Variants in ZNF564 observed in about 807,000 individuals in gnomAD.
ZNF564 encodes zinc finger protein 564.
In ZNF564, 5 loss-of-function variants were observed where a neutral mutation model predicts 10.5. The ratio of observed to expected loss-of-function variants is 0.48; its 90% CI spans 0.25 to 1.00. ZNF564 has a LOEUF of 1.00. ZNF564 is among the 50% of genes least tolerant of loss of function. ZNF564 has a pLI of 0.16. For missense variants in ZNF564, 603 were observed against 669.7 expected (o/e 0.90, Z 1.10); for synonymous variants, 242 against 218.1 (o/e 1.11, Z -0.97).
Position 12,527,287 on chromosome 19 carries a change from GTTCT to G in ZNF564, c.817_820del (p.Arg273LeufsTer27). The stretch of plus-strand genomic sequence containing the variant: ...TTCATGGGGTTTCTCTCCAGTATGA[GTTCT>G]TTCATGTATTCGAAATAAACTGGGG... On this transcript the variant is annotated frameshift_variant, in exon 4 of 4. Coordinates refer to ENST00000339282, the MANE Select transcript of ZNF564 (RefSeq NM_144976.4). LOFTEE classifies it low-confidence loss of function (END_TRUNC). 1 of 1,613,930 alleles carries G rather than the reference GTTCT, an allele frequency of 6.2e-7. No individual in the cohort carries two copies. Among genetic ancestry groups the G allele is most frequent in the Non-Finnish European group, 8.5e-7 (1 of 1,179,990 alleles).
At position 12,527,356 on chromosome 19, in the gene ZNF564, C is replaced by T; in HGVS notation, c.752G>A (p.Gly251Glu). ...TCCACATTCCTGACATTTATAAGGT[C>T]CATCTCCAGTGTGCCTAATCATGTG... ...QRHMIRHTGD[G>E]PYKCQECGKA... Residue 251 changes from glycine (G) to glutamate (E), a missense_variant, in exon 4 of 4, where the codon GGA becomes GAA. Physicochemically the swap from Gly to Glu is moderately conservative, Grantham distance 98. Transcript: ENST00000339282. The T allele has an allele frequency of 6.2e-7, 1 of 1,614,072 alleles. No homozygotes were observed. The highest frequency in any genetic ancestry group is 8.5e-7 in the Non-Finnish European group (1 of 1,179,996).
intron 1 of ZNF564, among the ~76,000 whole-genome samples, chr19:12,540,155 A>G (rs73497707): frequency 0.017 from 2,571 of 152,290 alleles, 85 homozygotes; most frequent in African/African-American, 0.059. Flanking sequence ...CTTATAATCT[A>G]TAACACTGGC....
intron 1 of ZNF564, 122 bp downstream of exon 1, chr19:12,551,208 G>A: frequency 8.5e-7 from 1 of 1,170,460 alleles, no homozygotes; most frequent in Non-Finnish European, 1.2e-6. Flanking sequence ...AGCTGCGCCA[G>A]GGAACTCGGG....
chr19:12,533,358 C>T (rs1319446229), intron 1 of ZNF564, among the ~76,000 whole-genome samples: 1 of 152,092 alleles, frequency 6.6e-6, no homozygotes, highest in Non-Finnish European at 1.5e-5. Flanking sequence ...GCAGCAAAAG[C>T]AGTGCATAGA....
chr19:12,538,994 G>A (rs1007442440), intron 1 of ZNF564, among the ~76,000 whole-genome samples: 5 of 150,956 alleles, frequency 3.3e-5, no homozygotes, highest in African/African-American at 9.8e-5. Flanking sequence ...TTGGGAGGTC[G>A]AGGCAGGTGG....
In ZNF564 at chr19:12,527,567, G is replaced by C; in HGVS notation, c.541C>G (p.Leu181Val). 6.2e-7 allele frequency: 1 copy of C among 1,614,142 alleles called. No individual in the cohort carries two copies. Among genetic ancestry groups the C allele is most frequent in the Non-Finnish European group, 8.5e-7 (1 of 1,180,014 alleles). ...ATCATGTGTCTTCGAACACTTGGGA[G>C]AGAAATGAAGGCTTTCCCACATTCC... is the stretch of plus-strand genomic sequence containing the variant. Reference protein sequence around the residue: ...CPECGKAFISLPSVRRHMIKH... With the variant: ...CPECGKAFISVPSVRRHMIKH... The change falls in exon 4 of 4, where the codon CTC becomes GTC. Residue 181 changes from leucine to valine, a missense_variant. Transcript: ENST00000339282.
chr19:12,536,242 T>A (rs996684695), intron 1 of ZNF564, among the ~76,000 whole-genome samples: 1 of 152,150 alleles, frequency 6.6e-6, no homozygotes, highest in African/African-American at 2.4e-5. Context: ...AGTGGTATGA[T>A]CACAGCTCAC....
At chr19:12,545,366 C>T (rs1278986627) in intron 1 of ZNF564, among the ~76,000 whole-genome samples, 1 of 152,042 alleles carries the variant, frequency 6.6e-6, no homozygotes, top group Non-Finnish European at 1.5e-5. Context: ...TCGATTCTCA[C>T]CAGTGACCAG....
chr19:12,547,135 T>C (rs2022170381), intron 1 of ZNF564, among the ~76,000 whole-genome samples: 1 of 152,184 alleles, frequency 6.6e-6, no homozygotes, highest in Non-Finnish European at 1.5e-5. Flanking sequence ...AATGCCAGAA[T>C]CATTGCTCAC....
chr19:12,551,182 A>T lies in ZNF564; in HGVS notation c.3+148T>A. The T allele has an allele frequency of 4.8e-5, 43 of 899,846 alleles. 2 individuals are homozygous for T. In the South Asian group the frequency reaches 6.3e-4, roughly 13 times the overall value. 55.7% of individuals were successfully genotyped at this position (899,846 alleles called of 1,614,324 possible). A position where few individuals can be genotyped will look rare whatever the true frequency, so the allele number is the denominator to read the frequency against. ...TACGGCCCAACCCACCCTGCGGCCG[A>T]GGGGACAGAGGGCCGAGCTGCGCCA... On this transcript the variant is annotated intron_variant, in intron 1 of 3. Transcript: ENST00000339282.
At chr19:12,544,124 G>A (rs988953073) in intron 1 of ZNF564, among the ~76,000 whole-genome samples, 1 of 152,146 alleles carries the variant, frequency 6.6e-6, no homozygotes, top group Non-Finnish European at 1.5e-5. Flanking sequence ...AGCATCCCCA[G>A]GTGACTAAGA....
At chr19:12,549,911 TAA>T (rs2022220263) in intron 1 of ZNF564, among the ~76,000 whole-genome samples, 1 of 152,160 alleles carries the variant, frequency 6.6e-6, no homozygotes, top group African/African-American at 2.4e-5. Context: ...CATCACCTTG[TAA>T]AGTTTCCAAA....
chr19:12,532,085 C>T (rs972977391), intron 1 of ZNF564, among the ~76,000 whole-genome samples: 4 of 152,140 alleles, frequency 2.6e-5, no homozygotes, highest in African/African-American at 9.7e-5. Flanking sequence ...TGCAGTGGCA[C>T]ATGCCTATGG....
intron 1 of ZNF564, among the ~76,000 whole-genome samples, chr19:12,544,266 A>C (rs2022111940): frequency 6.6e-6 from 1 of 151,456 alleles, no homozygotes; most frequent in African/African-American, 2.5e-5. Context: ...ATGTGAACCT[A>C]TGACAGAGCA....
At chr19:12,540,189 AT>A (rs1415950097) in intron 1 of ZNF564, among the ~76,000 whole-genome samples, 2 of 152,324 alleles carry the variant, frequency 1.3e-5, no homozygotes, top group East Asian at 3.9e-4. Context: ...AGAATGGATG[AT>A]TTGGCTTCTA....
chr19:12,551,296 C>A (rs780120143), intron 1 of ZNF564, 34 bp downstream of exon 1: 5 of 1,601,820 alleles, frequency 3.1e-6, no homozygotes, highest in Non-Finnish European at 3.4e-6. Flanking sequence ...AAGCCCCTCC[C>A]CCAGTCTCCA....
intron 1 of ZNF564, among the ~76,000 whole-genome samples, chr19:12,545,914 T>C (rs1335458532): frequency 6.6e-6 from 1 of 152,130 alleles, no homozygotes; most frequent in East Asian, 1.9e-4. Flanking sequence ...AACCCTCTAG[T>C]CATGGGTTTG....
At chr19:12,544,030 C>A (rs989895758) in intron 1 of ZNF564, among the ~76,000 whole-genome samples, 1 of 152,154 alleles carries the variant, frequency 6.6e-6, no homozygotes, top group Non-Finnish European at 1.5e-5. Flanking sequence ...TCTGCCAGCA[C>A]TTGAACTTGG....
At chr19:12,535,958 A>G (rs2021901627) in intron 1 of ZNF564, among the ~76,000 whole-genome samples, 1 of 150,450 alleles carries the variant, frequency 6.6e-6, no homozygotes, top group Admixed American at 6.7e-5. Context: ...GGTTGCACTG[A>G]GCTGAGACTG....
Sources: gnomAD v4.1 joint callset for allele counts (sites outside exome capture counted in the v4.1 genomes callset) on GRCh38, gnomAD v4.1.1 for gene constraint, MANE v1.5 for transcripts, NCBI Gene and HGNC (gene_info 2026-07-23, HGNC 2026-07-21) for gene names.